The following RAB33B variants were observed in gnomAD, a reference collection of about 807,000 sequenced individuals.
RAB33B encodes RAB33B, member RAS oncogene family.
RAB33B carries 6 observed loss-of-function variants against 15.0 expected under a neutral mutation model. The ratio of observed to expected loss-of-function variants is 0.40; its 90% CI spans 0.22 to 0.79. RAB33B has a LOEUF of 0.79. Among genes scored for constraint, RAB33B ranks in the 30% least tolerant of loss-of-function variants. The pLI is 0.37. For missense variants in RAB33B, 257 were observed against 296.4 expected, an observed-to-expected ratio of 0.87 and a Z score of 0.98; for synonymous variants, 117 against 108.3, an observed-to-expected ratio of 1.08 and a Z score of -0.50.
intron 1 of RAB33B, among the ~76,000 whole-genome samples, chr4:139,455,686 C>T (rs982828175): frequency 6.6e-6 from 1 of 152,060 alleles, no homozygotes; most frequent in African/African-American, 2.4e-5. Flanking sequence ...TGTATACTTG[C>T]AGAAGAAAAG....
upstream of RAB33B, chr4:139,453,287 C>T (rs1052214101): frequency 3.3e-5 from 5 of 152,238 alleles, no homozygotes; most frequent in African/African-American, 1.2e-4. Context: ...CCACAAGGAT[C>T]ACGCGGATAT....
upstream of RAB33B, chr4:139,454,024 G>A: frequency 1.4e-6 from 1 of 701,632 alleles, no homozygotes; most frequent in African/African-American, 1.9e-5. Flanking sequence ...ACACCTGTGC[G>A]GGCAAGGGCG....
chr4:139,450,116 G>A (rs1004135044), upstream of RAB33B: 1 of 152,126 alleles, frequency 6.6e-6, no homozygotes, highest in Non-Finnish European at 1.5e-5. Context: ...ACCTTATTTT[G>A]TATCTTCCCC....
At chr4:139,457,267 G>A (rs1228751460) in intron 1 of RAB33B, among the ~76,000 whole-genome samples, 1 of 152,214 alleles carries the variant, frequency 6.6e-6, no homozygotes. Context: ...AATTTTGGAA[G>A]TCGAATAAAA....
chr4:139,455,197 C>T (rs1219416114), intron 1 of RAB33B, among the ~76,000 whole-genome samples: 1 of 152,142 alleles, frequency 6.6e-6, no homozygotes, highest in Non-Finnish European at 1.5e-5. Context: ...GTTTGAAGTT[C>T]TGAGGGGTTG....
At chr4:139,472,480 C>T (rs563764389) in intron 1 of RAB33B, among the ~76,000 whole-genome samples, 29 of 152,016 alleles carry the variant, frequency 1.9e-4, no homozygotes, top group South Asian at 1.7e-3. Context: ...ATATTAGTTC[C>T]GACACTTGTA....
Position 139,473,103 on chromosome 4 carries a change from C to T in RAB33B, c.667C>T (p.Pro223Ser). The T allele has an allele frequency of 6.2e-7, 1 of 1,604,606 alleles. No individual in the cohort carries two copies. The highest frequency in any genetic ancestry group is 1.1e-5 in the South Asian group (1 of 90,362). Residue 223 changes from proline to serine, a missense_variant, in exon 2 of 2, where the codon CCT becomes TCT. Pro to Ser is a moderately conservative substitution (Grantham distance 74, BLOSUM62 -1). Transcript: ENST00000305626. ...AATTATCCTGAAGCCTGAACCAAAG[C>T]CTGCAATGACGTGCTGGTGCTAAAT... ...NGIILKPEPK[P>S]AMTCWC is the part of the protein sequence containing the mutation.
intron 1 of RAB33B, among the ~76,000 whole-genome samples, chr4:139,465,773 A>G (rs1750272812): frequency 6.8e-6 from 1 of 146,412 alleles, no homozygotes; most frequent in African/African-American, 2.5e-5. Context: ...TCTGTTGCCC[A>G]GGCTGGAGTG....
chr4:139,457,219 A>G (rs1750086887), intron 1 of RAB33B, among the ~76,000 whole-genome samples: 1 of 152,256 alleles, frequency 6.6e-6, no homozygotes, highest in Non-Finnish European at 1.5e-5. Flanking sequence ...CCTAAGCAGT[A>G]TGTGCAGGTA....
chr4:139,475,879 C>G lies in RAB33B; in HGVS notation c.*2753C>G, dbSNP rs1466553838. ...GGAATAGTGTCACTGTTACATTTCC[C>G]CCATGAAGTTCAATAAACCAGCTTA... On this transcript the variant is annotated 3_prime_UTR_variant, in exon 2 of 2. Transcript: ENST00000305626. 6.6e-6 allele frequency: 1 copy of G among 152,064 alleles called. No homozygotes were observed. Among genetic ancestry groups the G allele is most frequent in the Non-Finnish European group, 1.5e-5 (1 of 68,020 alleles). The allele number at this position is 152,064 out of a possible 1,614,324, so 9.4% of individuals were successfully genotyped here. A position where few individuals can be genotyped will look rare whatever the true frequency, so the allele number is the denominator to read the frequency against.
chr4:139,458,277 C>G (rs559431416), intron 1 of RAB33B, among the ~76,000 whole-genome samples: 18 of 152,104 alleles, frequency 1.2e-4, no homozygotes, highest in East Asian at 1.9e-4. Flanking sequence ...GTCTCTGTCT[C>G]TCTCTCTTTT....
chr4:139,438,928 G>T, the RAB33B span, among the ~76,000 whole-genome samples: 1 of 152,120 alleles, frequency 6.6e-6, no homozygotes, highest in Non-Finnish European at 1.5e-5. Context: ...AGGTCTAGTG[G>T]TAATGAACTC....
the RAB33B span, among the ~76,000 whole-genome samples, chr4:139,438,424 C>A: frequency 2.6e-5 from 4 of 152,198 alleles, no homozygotes; most frequent in Non-Finnish European, 5.9e-5. Context: ...GACGGCTTAA[C>A]ACACCATCAG....
intron 1 of RAB33B, among the ~76,000 whole-genome samples, chr4:139,471,358 C>T (rs1328093908): frequency 1.3e-5 from 2 of 152,122 alleles, no homozygotes; most frequent in African/African-American, 4.8e-5. Context: ...CTCCTTTTCC[C>T]AGTGCCCAGA....
At chr4:139,460,240 GTGTTTAT>G (rs1750146323) in intron 1 of RAB33B, among the ~76,000 whole-genome samples, 1 of 152,176 alleles carries the variant, frequency 6.6e-6, no homozygotes, top group Non-Finnish European at 1.5e-5. Flanking sequence ...ATTTAGTCAT[GTGTTTAT>G]TGAGATGATC....
rs10604111 is a variant in RAB33B, at chr4:139,473,902, C to CTTTTTTTTTTT, written c.*787_*797dup. The CTTTTTTTTTTT allele has an allele frequency of 6.2e-5, 7 of 112,804 alleles. No homozygotes were observed. The highest frequency in any genetic ancestry group is 2.1e-4 in the African/African-American group (6 of 28,350). The allele number at this position is 112,804 out of a possible 1,614,324, so 7.0% of individuals were successfully genotyped here. The stretch of plus-strand genomic sequence containing the variant: ...AAGAGTTATTTGAGTTTCTTTCTTT[C>CTTTTTTTTTTT]TTTTTTTTTTTTTTTTTTTTTGAGA... On this transcript the variant is annotated 3_prime_UTR_variant, in exon 2 of 2. Transcript: ENST00000305626.
intron 1 of RAB33B, among the ~76,000 whole-genome samples, chr4:139,467,981 C>T (rs1463676860): frequency 6.1e-5 from 9 of 148,712 alleles, no homozygotes; most frequent in Non-Finnish European, 1.0e-4. Flanking sequence ...TTTTTGTACC[C>T]GTTAACCATC....
In RAB33B at chr4:139,473,092, C is replaced by T. The variant is rs1156531467; in HGVS notation, c.656C>T (p.Pro219Leu). ...QPPDNGIILK[P>L]EPKPAMTCWC ...CCTGATAATGGAATTATCCTGAAGC[C>T]TGAACCAAAGCCTGCAATGACGTGC... is the stretch of plus-strand genomic sequence containing the variant. Residue 219 changes from proline to leucine, a missense_variant, in exon 2 of 2, where the codon CCT becomes CTT. Coordinates refer to ENST00000305626, the MANE Select transcript of RAB33B (RefSeq NM_031296.3). 6.2e-7 allele frequency: 1 copy of T among 1,609,326 alleles called. No individual in the cohort carries two copies. The highest frequency in any genetic ancestry group is 1.3e-5 in the African/African-American group (1 of 74,650).
At chr4:139,445,363 C>A in the RAB33B span, among the ~76,000 whole-genome samples, 937 of 152,268 alleles carry the variant, frequency 6.2e-3, 13 homozygotes, top group African/African-American at 0.021. Context: ...CACACTGGTC[C>A]ATTACATTGA....
Sources: gnomAD v4.1 joint callset for allele counts (sites outside exome capture counted in the v4.1 genomes callset) on GRCh38, gnomAD v4.1.1 for gene constraint, MANE v1.5 for transcripts, NCBI Gene and HGNC (gene_info 2026-07-23, HGNC 2026-07-21) for gene names.